The following FUT8 variants were observed in gnomAD, a reference collection of about 807,000 sequenced individuals.
FUT8 encodes fucosyltransferase 8, also known as alpha-(1,6)-fucosyltransferase.
A neutral mutation model predicts 71.3 loss-of-function variants in FUT8; 29 were observed. The ratio of observed to expected loss-of-function variants is 0.41; its 90% confidence interval spans 0.30 to 0.55. The LOEUF (loss-of-function observed/expected upper bound fraction) is 0.55, where lower values mean the gene tolerates loss of function less well. Among genes scored for constraint, FUT8 ranks in the 20% least tolerant of loss-of-function variants. The probability of loss-of-function intolerance (pLI) is 0.34; values close to 1 mark genes in which losing one functional copy is unlikely to be tolerated. For synonymous variants in FUT8, 254 were observed against 239.3 expected, an observed-to-expected ratio of 1.06 and a Z score of -0.57; for missense variants, 544 against 702.1, an observed-to-expected ratio of 0.77 and a Z score of 2.55.
chr14:65,655,581 A>C (rs1594866397), intron 6 of FUT8, among the ~76,000 whole-genome samples: 1 of 152,286 alleles, frequency 6.6e-6, no homozygotes, highest in Non-Finnish European at 1.5e-5. Flanking sequence ...CGATAATAAA[A>C]TGATCAATTT....
At chr14:65,456,153 A>G (rs1323010903) in intron 2 of FUT8, among the ~76,000 whole-genome samples, 1 of 152,160 alleles carries the variant, frequency 6.6e-6, no homozygotes, top group East Asian at 1.9e-4. Flanking sequence ...TTTAGTGTTC[A>G]TTCTATTAAT....
intron 6 of FUT8, among the ~76,000 whole-genome samples, chr14:65,663,791 C>G (rs1892083314): frequency 6.6e-6 from 1 of 152,018 alleles, no homozygotes; most frequent in Admixed American, 6.6e-5. Context: ...ACAGATTGCC[C>G]TTTTAGGTCT....
intron 5 of FUT8, among the ~76,000 whole-genome samples, chr14:65,618,258 A>G (rs1274735391): frequency 6.6e-6 from 1 of 151,730 alleles, no homozygotes; most frequent in Non-Finnish European, 1.5e-5. Context: ...ATTTGTTTAT[A>G]TAACTCGCAT....
chr14:65,414,603 G>A lies in FUT8; in HGVS notation c.-326+1389G>A, dbSNP rs1259801135. Among the ~76,000 whole-genome samples the A allele has an allele frequency of 2.6e-5, 4 of 152,114 alleles. No homozygotes were observed. The South Asian group carries it at 8.3e-4, about 32-fold the overall frequency. ...AATACTACAGTAGTATTGAAAAGGT[G>A]GGAATTCAAGCATTTGTAATTGTGA... On this transcript the variant is annotated intron_variant, in intron 1 of 10. Transcript: ENST00000673929.
At chr14:65,401,898 A>T in the FUT8 span, among the ~76,000 whole-genome samples, 2 of 22,142 alleles carry the variant, frequency 9.0e-5, no homozygotes, top group South Asian at 2.9e-3. Flanking sequence ...CCCTGTCTAA[A>T]AAAAAAAAAA....
chr14:65,650,540 A>G (rs951657760), intron 6 of FUT8, among the ~76,000 whole-genome samples: 4 of 151,650 alleles, frequency 2.6e-5, no homozygotes, highest in Non-Finnish European at 4.4e-5. Context: ...TGAGGACTCT[A>G]TCGTGAGAAA....
At chr14:65,597,657 G>A (rs1888066071) in intron 3 of FUT8, among the ~76,000 whole-genome samples, 1 of 151,664 alleles carries the variant, frequency 6.6e-6, no homozygotes, top group African/African-American at 2.4e-5. Flanking sequence ...GAAGAAGAAT[G>A]GTGCATATCA....
At chr14:65,715,974 C>CA (rs36028848) in intron 7 of FUT8, among the ~76,000 whole-genome samples, 61,214 of 126,752 alleles carry the variant, frequency 0.48, 14,175 homozygotes, top group Non-Finnish European at 0.57. Context: ...GACCCTCTCT[C>CA]AAAAAAAAAA....
the FUT8 span, among the ~76,000 whole-genome samples, chr14:65,373,426 G>A: frequency 2.0e-5 from 3 of 151,738 alleles, no homozygotes; most frequent in South Asian, 2.1e-4. Flanking sequence ...GAAAGGAAGC[G>A]TCTGAATGTT....
intron 6 of FUT8, among the ~76,000 whole-genome samples, chr14:65,640,053 C>CT (rs1389499087): frequency 1.3e-5 from 2 of 151,934 alleles, no homozygotes; most frequent in African/African-American, 2.4e-5. Flanking sequence ...TCTGCATATA[C>CT]TTTTTCTTCC....
intron 7 of FUT8, among the ~76,000 whole-genome samples, chr14:65,686,200 C>T (rs1043260461): frequency 2.6e-5 from 4 of 152,170 alleles, no homozygotes; most frequent in African/African-American, 9.7e-5. Flanking sequence ...TGGTAAACAG[C>T]TGTAACCACC....
intron 1 of FUT8, among the ~76,000 whole-genome samples, chr14:65,425,928 G>A (rs1776861149): frequency 6.6e-6 from 1 of 151,236 alleles, no homozygotes; most frequent in African/African-American, 2.4e-5. Context: ...AGTGAGCTGA[G>A]ATCACGCCAC....
chr14:65,592,323 CCTAT>C (rs202203666), intron 3 of FUT8, among the ~76,000 whole-genome samples: 1,824 of 152,038 alleles, frequency 0.012, 15 homozygotes, highest in Middle Eastern at 0.024. Context: ...GGAGAACTGA[CCTAT>C]TATCTATTTT....
intron 6 of FUT8, among the ~76,000 whole-genome samples, chr14:65,650,737 A>T (rs1475589861): frequency 6.6e-6 from 1 of 151,436 alleles, no homozygotes; most frequent in East Asian, 1.9e-4. Context: ...AAACAAAAAA[A>T]ACCACAAACT....
intron 1 of FUT8, among the ~76,000 whole-genome samples, chr14:65,421,511 A>G (rs146190270): frequency 3.8e-4 from 58 of 152,326 alleles, no homozygotes; most frequent in African/African-American, 1.3e-3. Context: ...CTTTAGTTTC[A>G]GTGCCCATAT....
At chr14:65,522,332 A>T (rs943183960) in intron 2 of FUT8, among the ~76,000 whole-genome samples, 1 of 151,976 alleles carries the variant, frequency 6.6e-6, no homozygotes, top group African/African-American at 2.4e-5. Context: ...TAATCTTCTA[A>T]TTTACCAACT....
At chr14:65,519,549 T>G (rs1415936809) in intron 2 of FUT8, among the ~76,000 whole-genome samples, 1 of 152,204 alleles carries the variant, frequency 6.6e-6, no homozygotes, top group East Asian at 1.9e-4. Context: ...TTTACCATGA[T>G]CATGTGCTAC....
At chr14:65,435,041 C>T (rs549667358) in intron 1 of FUT8, among the ~76,000 whole-genome samples, 1 of 152,220 alleles carries the variant, frequency 6.6e-6, no homozygotes, top group South Asian at 2.1e-4. Flanking sequence ...TACCATTTTA[C>T]TTTTCCGAAT....
intron 3 of FUT8, among the ~76,000 whole-genome samples, chr14:65,584,008 T>C (rs1323086263): frequency 6.6e-6 from 1 of 152,100 alleles, no homozygotes; most frequent in African/African-American, 2.4e-5. Context: ...GCTTCCCGAG[T>C]AGCTGGGACT....
Sources: allele counts gnomAD v4.1 joint callset (sites outside exome capture counted in the v4.1 genomes callset), GRCh38; gene constraint gnomAD v4.1.1; transcripts MANE v1.5; gene names NCBI Gene and HGNC (gene_info 2026-07-23, HGNC 2026-07-21).